BRCA1: variants seen among roughly 807,000 people sequenced by gnomAD.
The protein encoded by BRCA1 is BRCA1 DNA repair associated.
A neutral mutation model predicts 173.7 loss-of-function variants in BRCA1; 140 were observed. The ratio of observed to expected loss-of-function variants is 0.81; its 90% confidence interval spans 0.70 to 0.93. The LOEUF is 0.93. Among genes scored for constraint, BRCA1 ranks in the 40% least tolerant of loss-of-function variants. BRCA1 has a pLI of 0.00. For missense variants in BRCA1, 1,983 were observed against 2,172.5 expected (o/e 0.91, Z 1.73); for synonymous variants, 662 against 756.0 (o/e 0.88, Z 2.04).
At chr17:43,159,113 T>C (rs1461194690) in intron 1 of BRCA1, among the ~76,000 whole-genome samples, 1 of 152,118 alleles carries the variant, frequency 6.6e-6, no homozygotes, top group Non-Finnish European at 1.5e-5. Flanking sequence ...TAGCTGGGCA[T>C]GGTGATGCAC....
At position 43,099,688 on chromosome 17, in the gene BRCA1, C is replaced by T. The variant is rs570693264; in HGVS notation, c.547+87G>A. 67 of 1,174,388 alleles carry T rather than the reference C, an allele frequency of 5.7e-5. No individual in the cohort carries two copies. In the African/African-American group the frequency reaches 8.8e-4, roughly 15 times the overall value. 72.7% of individuals were successfully genotyped at this position (1,174,388 alleles called of 1,614,324 possible). Reference sequence around the variant, plus strand: ...TTCCCAAAGCTGCCTACCACAAATACAAATTATGACCAAGATTTTTGGCAA... The same window carrying T: ...TTCCCAAAGCTGCCTACCACAAATATAAATTATGACCAAGATTTTTGGCAA... On this transcript the variant is annotated intron_variant, in intron 7 of 22. Coordinates refer to ENST00000357654, the MANE Select transcript of BRCA1 (RefSeq NM_007294.4).
intron 2 of BRCA1, among the ~76,000 whole-genome samples, chr17:43,123,235 A>G (rs886235307): frequency 2.0e-5 from 3 of 151,454 alleles, no homozygotes; most frequent in Non-Finnish European, 2.9e-5. Context: ...TAAAAAAAAA[A>G]CCTCTGCATT....
chr17:43,116,421 A>G (rs2055297488), intron 2 of BRCA1, among the ~76,000 whole-genome samples: 1 of 152,204 alleles, frequency 6.6e-6, no homozygotes, highest in African/African-American at 2.4e-5. Context: ...GCTGGAGTGC[A>G]GTGGTGCAAA....
At chr17:43,063,975 G>A (rs1029023839) in intron 16 of BRCA1, 24 bp from the exon 17 acceptor site, 2 of 1,610,382 alleles carry the variant, frequency 1.2e-6, no homozygotes, top group Admixed American at 1.7e-5. Flanking sequence ...AACACTCAAA[G>A]GATTAGAAGT....
At position 43,091,943 on chromosome 17, in the gene BRCA1, T is replaced by G. The variant is rs876658595; in HGVS notation, c.3588A>C (p.Thr1196=). The G allele has an allele frequency of 3.7e-6, 6 of 1,614,120 alleles. No individual in the cohort carries two copies. Among genetic ancestry groups the G allele is most frequent in the Non-Finnish European group, 5.1e-6 (6 of 1,180,004 alleles). Residue 1196 remains threonine (T), a synonymous_variant, in exon 10 of 23, where the codon ACA becomes ACC. Coordinates refer to ENST00000357654, the MANE Select transcript of BRCA1 (RefSeq NM_007294.4). ...CTCTTCGGTAACCCTGAGCCAAATGTGTATGGGTGAAAGGGCTAGGACTCC... is the reference window on the plus strand; with the variant it reads ...CTCTTCGGTAACCCTGAGCCAAATGGGTATGGGTGAAAGGGCTAGGACTCC... ...LSRSPSPFTH[T]HLAQGYRRGA... is the part of the protein sequence containing the mutation.
Position 43,142,950 on chromosome 17 carries a change from A to ATG in BRCA1, c.-19-18837_-19-18836dup, listed in dbSNP as rs1163739976. On this transcript the variant is annotated intron_variant, in intron 1 of 7. Transcript: ENST00000634433. The stretch of plus-strand genomic sequence containing the variant: ...TGTGTGTGTGTGTGTGTATATATAT[A>ATG]TGTGTGTGTGTGTGTGTATATATAT... Among the ~76,000 whole-genome samples the ATG allele has an allele frequency of 6.1e-3, 820 of 134,906 alleles. 6 individuals carry two copies. The highest frequency in any genetic ancestry group is 0.01 in the Non-Finnish European group (621 of 61,960). 88.5% of individuals were successfully genotyped at this position (134,906 alleles called of 152,430 possible).
intron 11 of BRCA1, among the ~76,000 whole-genome samples, chr17:43,083,488 A>G (rs2053109153): frequency 6.6e-6 from 1 of 152,194 alleles, no homozygotes; most frequent in African/African-American, 2.4e-5. Flanking sequence ...AAAAGCAAAA[A>G]GCTAATTCAT....
chr17:43,106,780 G>A (rs972333799), intron 3 of BRCA1, among the ~76,000 whole-genome samples: 1 of 152,084 alleles, frequency 6.6e-6, no homozygotes, highest in African/African-American at 2.4e-5. Context: ...TTACTGTTAT[G>A]ATCACATAAA....
chr17:43,075,574 T>C (rs1291852722), intron 13 of BRCA1, among the ~76,000 whole-genome samples: 1 of 152,060 alleles, frequency 6.6e-6, no homozygotes, highest in East Asian at 1.9e-4. Context: ...CTTTTTTTTT[T>C]TGTTTTGAGA....
chr17:43,151,238 T>G (rs997348270), intron 1 of BRCA1, among the ~76,000 whole-genome samples: 2 of 152,228 alleles, frequency 1.3e-5, no homozygotes, highest in African/African-American at 4.8e-5. Context: ...TTTGTATCTA[T>G]GACTGTCAAA....
chr17:43,122,214 G>T (rs1444923611), intron 2 of BRCA1, among the ~76,000 whole-genome samples: 1 of 152,076 alleles, frequency 6.6e-6, no homozygotes, highest in East Asian at 1.9e-4. Flanking sequence ...AAGCAGAAAA[G>T]AATTTACCCT....
At chr17:43,125,110 C>CT in intron 1 of BRCA1, 161 bp downstream of exon 1, 1 of 449,350 alleles carries the variant, frequency 2.2e-6, no homozygotes, top group Non-Finnish European at 4.5e-6. Flanking sequence ...GACCTACAAA[C>CT]TGCCCCCCTC....
rs80357345 is a variant in BRCA1, at chr17:43,091,485, G to A, written c.4046C>T (p.Thr1349Met). Reference protein sequence around the residue: ...ELVSDDEERGTGLEENNQEEQ... With the variant: ...ELVSDDEERGMGLEENNQEEQ... Reference sequence around the variant, plus strand: ...TTCTTGATTATTTTCTTCCAAGCCCGTTCCTCTTTCTTCATCATCTGAAAC... The same window carrying A: ...TTCTTGATTATTTTCTTCCAAGCCCATTCCTCTTTCTTCATCATCTGAAAC... The change falls in exon 10 of 23, where the codon ACG becomes ATG. Residue 1349 changes from threonine (T) to methionine (M), a missense_variant. By Grantham distance (81) the Thr-to-Met change is moderately conservative (BLOSUM62 -1). Coordinates refer to ENST00000357654, the MANE Select transcript of BRCA1 (RefSeq NM_007294.4). 36 of 1,613,400 alleles carry A rather than the reference G, an allele frequency of 2.2e-5. No homozygotes were observed. The highest frequency in any genetic ancestry group is 1.9e-4 in the African/African-American group (14 of 74,926).
chr17:43,146,357 G>A (rs1037983159), intron 1 of BRCA1, among the ~76,000 whole-genome samples: 4 of 132,862 alleles, frequency 3.0e-5, no homozygotes, highest in Non-Finnish European at 4.6e-5. Flanking sequence ...GGCCAAAGCT[G>A]GAGTGCAGTG....
At chr17:43,147,252 C>T (rs1042591926) in intron 1 of BRCA1, among the ~76,000 whole-genome samples, 40 of 152,020 alleles carry the variant, frequency 2.6e-4, no homozygotes, top group African/African-American at 7.7e-4. Context: ...TGCAGTGGCA[C>T]GATCTCGGCT....
intron 1 of BRCA1, among the ~76,000 whole-genome samples, chr17:43,136,042 C>T (rs1443927097): frequency 6.6e-6 from 1 of 152,214 alleles, no homozygotes; most frequent in East Asian, 1.9e-4. Flanking sequence ...CCTGTAATTC[C>T]AGTACTTTGG....
At chr17:43,063,785 C>T in intron 17 of BRCA1, 89 bp downstream of exon 17, 4 of 1,044,900 alleles carry the variant, frequency 3.8e-6, no homozygotes, top group Non-Finnish European at 5.9e-6. Flanking sequence ...GACTCAGCAT[C>T]AGCAAAAACC....
intron 1 of BRCA1, among the ~76,000 whole-genome samples, chr17:43,156,380 A>G (rs1474395801): frequency 6.6e-6 from 1 of 152,230 alleles, no homozygotes; most frequent in Non-Finnish European, 1.5e-5. Context: ...ACTAAGTCAG[A>G]AGGCTGGGTT....
intron 14 of BRCA1, among the ~76,000 whole-genome samples, chr17:43,071,897 A>T (rs866544359): frequency 4.0e-5 from 6 of 151,728 alleles, no homozygotes; most frequent in Middle Eastern, 3.4e-3. Flanking sequence ...AGTCCCGGCT[A>T]CTAGGGAGGC....
Sources: gnomAD v4.1 joint callset for allele counts (sites outside exome capture counted in the v4.1 genomes callset) on GRCh38, gnomAD v4.1.1 for gene constraint, MANE v1.5 for transcripts, NCBI Gene and HGNC (gene_info 2026-07-23, HGNC 2026-07-21) for gene names.